Variants in GNAQ observed in about 807,000 individuals in gnomAD.
GNAQ encodes G protein subunit alpha q.
Under a neutral mutation model 43.9 loss-of-function variants are expected in GNAQ, and 8 were observed. That is an observed-to-expected ratio of 0.18 (90% CI 0.11 to 0.33). The LOEUF (loss-of-function observed/expected upper bound fraction) is 0.33, where lower values mean the gene tolerates loss of function less well. Among genes scored for constraint, GNAQ ranks in the 10% least tolerant of loss-of-function variants. The pLI is 1.00. For synonymous variants in GNAQ, 155 were observed against 170.7 expected (o/e 0.91, Z 0.71); for missense variants, 158 against 450.8 (o/e 0.35, Z 5.88).
At chr9:77,796,158 A>G (rs559325827) in intron 4 of GNAQ, among the ~76,000 whole-genome samples, 1 of 152,314 alleles carries the variant, frequency 6.6e-6, no homozygotes, top group East Asian at 1.9e-4. Flanking sequence ...AGATTAAAAA[A>G]CTGAGGCTCA....
At chr9:77,926,361 C>T (rs1829072864) in intron 1 of GNAQ, among the ~76,000 whole-genome samples, 1 of 151,946 alleles carries the variant, frequency 6.6e-6, no homozygotes, top group Non-Finnish European at 1.5e-5. Context: ...TTCCTAAGGC[C>T]ACATGAAAAT....
At chr9:77,784,104 ATT>A (rs1826438846) in intron 5 of GNAQ, among the ~76,000 whole-genome samples, 1 of 149,626 alleles carries the variant, frequency 6.7e-6, no homozygotes, top group African/African-American at 2.5e-5. Context: ...TTCCTCTGAA[ATT>A]TTTGTTTTTT....
At chr9:78,001,994 A>T (rs1823649116) in intron 1 of GNAQ, among the ~76,000 whole-genome samples, 1 of 152,220 alleles carries the variant, frequency 6.6e-6, no homozygotes, top group African/African-American at 2.4e-5. Flanking sequence ...GTGAAAGGGC[A>T]TCATAAAGTA....
chr9:77,860,083 T>C (rs904516852), intron 2 of GNAQ, among the ~76,000 whole-genome samples: 12 of 152,200 alleles, frequency 7.9e-5, no homozygotes, highest in Admixed American at 5.9e-4. Flanking sequence ...CTCCATTTAA[T>C]AGAAGCCATA....
At chr9:77,868,960 C>T (rs906721703) in intron 2 of GNAQ, among the ~76,000 whole-genome samples, 2 of 152,152 alleles carry the variant, frequency 1.3e-5, no homozygotes, top group Non-Finnish European at 1.5e-5. Context: ...GCACTTTAGC[C>T]TGGGCAACAG....
chr9:78,031,715 C>T lies in GNAQ; in HGVS notation c.-480G>A, dbSNP rs1421610384. Among the ~76,000 whole-genome samples the T allele has an allele frequency of 6.8e-6, 1 of 147,594 alleles. No individual in the cohort carries two copies. Among genetic ancestry groups the T allele is most frequent in the African/African-American group, 2.4e-5 (1 of 40,922 alleles). ...CTCCCCGCGCCCGGCGCGCCCGCTC[C>T]TCGCCGCCGCCTGACACGGCTCCCG... On this transcript the variant is annotated 5_prime_UTR_variant, in exon 1 of 7. Coordinates refer to ENST00000286548, the MANE Select transcript of GNAQ (RefSeq NM_002072.5).
intron 2 of GNAQ, among the ~76,000 whole-genome samples, chr9:77,866,906 G>T (rs936255525): frequency 1.1e-4 from 16 of 152,284 alleles, no homozygotes; most frequent in African/African-American, 3.6e-4. Flanking sequence ...TGTCTTTAAA[G>T]AAATATATTT....
At chr9:77,743,434 T>A (rs1395710314) in intron 5 of GNAQ, among the ~76,000 whole-genome samples, 1 of 152,116 alleles carries the variant, frequency 6.6e-6, no homozygotes, top group Non-Finnish European at 1.5e-5. Flanking sequence ...AACTTACAAG[T>A]GTCTTGAAGA....
chr9:77,828,446 C>G (rs1827241700), intron 2 of GNAQ, among the ~76,000 whole-genome samples: 1 of 152,130 alleles, frequency 6.6e-6, no homozygotes, highest in South Asian at 2.1e-4. Flanking sequence ...TACCCATCCT[C>G]CTGTAATTAA....
intron 5 of GNAQ, among the ~76,000 whole-genome samples, chr9:77,775,397 C>G (rs571145114): frequency 7.4e-4 from 110 of 148,912 alleles, no homozygotes; most frequent in African/African-American, 2.6e-3. Flanking sequence ...ATGTTCACTT[C>G]TCCTCATCTC....
At chr9:77,976,567 T>A (rs1326653943) in intron 1 of GNAQ, among the ~76,000 whole-genome samples, 1 of 152,148 alleles carries the variant, frequency 6.6e-6, no homozygotes, top group Non-Finnish European at 1.5e-5. Flanking sequence ...AATTTTTGCA[T>A]TTTTAGCAGA....
chr9:77,756,248 T>C (rs1468691688), intron 5 of GNAQ, among the ~76,000 whole-genome samples: 2 of 152,244 alleles, frequency 1.3e-5, no homozygotes, highest in Non-Finnish European at 2.9e-5. Flanking sequence ...TGTATACATC[T>C]ATCCTATTAA....
intron 5 of GNAQ, among the ~76,000 whole-genome samples, chr9:77,749,248 C>T (rs1048674724): frequency 4.6e-5 from 7 of 151,846 alleles, no homozygotes; most frequent in African/African-American, 1.7e-4. Context: ...CAAACCAATA[C>T]CTTGTGAGGA....
At chr9:77,743,286 C>CAA (rs141984612) in intron 5 of GNAQ, among the ~76,000 whole-genome samples, 2 of 151,448 alleles carry the variant, frequency 1.3e-5, no homozygotes, top group Admixed American at 6.6e-5. Context: ...AACAAACAAA[C>CAA]AAAAAAAACA....
intron 1 of GNAQ, among the ~76,000 whole-genome samples, chr9:78,010,321 C>T (rs1021278317): frequency 9.2e-5 from 14 of 152,150 alleles, no homozygotes; most frequent in Admixed American, 3.3e-4. Flanking sequence ...CCAGTCTCTC[C>T]GTGTTCCCCA....
chr9:77,986,902 T>A (rs922475866), intron 1 of GNAQ, among the ~76,000 whole-genome samples: 5 of 151,890 alleles, frequency 3.3e-5, no homozygotes, highest in African/African-American at 1.2e-4. Flanking sequence ...TCTCTACTTG[T>A]TTGGAAGCTC....
chr9:77,723,309 C>A (rs986171451), intron 6 of GNAQ, among the ~76,000 whole-genome samples: 7 of 152,182 alleles, frequency 4.6e-5, no homozygotes, highest in African/African-American at 1.7e-4. Flanking sequence ...AAAGGTGCAG[C>A]TGCTGTGAAA....
chr9:77,883,776 C>A (rs911289843), intron 2 of GNAQ, among the ~76,000 whole-genome samples: 9 of 152,246 alleles, frequency 5.9e-5, no homozygotes, highest in African/African-American at 2.2e-4. Context: ...TGTGCTCTGT[C>A]CCATGTGGTC....
intron 1 of GNAQ, among the ~76,000 whole-genome samples, chr9:78,009,020 TG>T (rs1486616509): frequency 2.0e-5 from 3 of 152,252 alleles, no homozygotes; most frequent in African/African-American, 7.2e-5. Flanking sequence ...ATTTCTAAGT[TG>T]GCTTTCTCTC....
Sources: gnomAD v4.1 joint callset for allele counts (sites outside exome capture counted in the v4.1 genomes callset) on GRCh38, gnomAD v4.1.1 for gene constraint, MANE v1.5 for transcripts, NCBI Gene and HGNC (gene_info 2026-07-23, HGNC 2026-07-21) for gene names.